The following KDM8 variants were observed in gnomAD, a reference collection of about 807,000 sequenced individuals.
KDM8 encodes bifunctional peptidase and arginyl-hydroxylase JMJD5.
KDM8 carries 35 observed loss-of-function variants against 46.9 expected under a neutral mutation model. The ratio of observed to expected loss-of-function variants is 0.75; its 90% CI spans 0.57 to 0.99. KDM8 has a LOEUF of 0.99. Among genes scored for constraint, KDM8 ranks in the 50% least tolerant of loss-of-function variants. The pLI, the probability that KDM8 is intolerant of heterozygous loss-of-function variation, is 0.00. For synonymous variants in KDM8, 232 were observed against 227.7 expected (o/e 1.02, Z -0.17); for missense variants, 475 against 537.0 (o/e 0.88, Z 1.14).
chr16:27,216,814 T>C (rs74663472), intron 5 of KDM8, among the ~76,000 whole-genome samples: 14,607 of 152,088 alleles, frequency 0.096, 951 homozygotes, highest in Middle Eastern at 0.18. Context: ...GGATTCTAAT[T>C]GATCAGGTCC....
At chr16:27,203,795 T>C (rs956338413) in intron 1 of KDM8, 159 bp downstream of exon 1, 4 of 364,276 alleles carry the variant, frequency 1.1e-5, no homozygotes, top group African/African-American at 8.5e-5. Context: ...AGTTGCCGCA[T>C]GCGCTCTGAG....
At chr16:27,219,722 G>C (rs1339284341) in intron 6 of KDM8, among the ~76,000 whole-genome samples, 1 of 152,230 alleles carries the variant, frequency 6.6e-6, no homozygotes, top group South Asian at 2.1e-4. Context: ...CACCTCAGCT[G>C]TGTGAGCTTG....
Position 27,220,856 on chromosome 16 carries a change from G to C in KDM8, c.*126G>C. ...TGTCCTGAAGAGCCTTCACTGCCCA[G>C]TGGCAGCCCTGGGGGGCTGAGCTCC... On this transcript the variant is annotated 3_prime_UTR_variant, in exon 8 of 8. Coordinates refer to ENST00000286096, the MANE Select transcript of KDM8 (RefSeq NM_024773.3). 1 of 1,170,048 alleles carries C rather than the reference G, an allele frequency of 8.5e-7. No homozygotes were observed. Among genetic ancestry groups the C allele is most frequent in the Non-Finnish European group, 1.3e-6 (1 of 790,774 alleles). The allele number at this position is 1,170,048 out of a possible 1,614,324, so 72.5% of individuals were successfully genotyped here. A position where few individuals can be genotyped will look rare whatever the true frequency, so the allele number is the denominator to read the frequency against.
At chr16:27,216,319 G>A (rs1275184974) in intron 5 of KDM8, among the ~76,000 whole-genome samples, 2 of 152,074 alleles carry the variant, frequency 1.3e-5, no homozygotes, top group African/African-American at 2.4e-5. Flanking sequence ...GTGAACCACC[G>A]AGCCCTGGAC....
At chr16:27,218,924 G>A (rs556912241) in intron 5 of KDM8, 37 bp from the exon 6 acceptor site, 38 of 1,613,204 alleles carry the variant, frequency 2.4e-5, no homozygotes, top group South Asian at 2.3e-4. Context: ...GTCCCCAGCC[G>A]GATCCCCACA....
rs193200821 is a variant in KDM8 at position 27,218,953 on chromosome 16, G to A, written c.844-8G>A. 7.6e-5 allele frequency: 123 copies of A among 1,613,942 alleles called. No individual in the cohort carries two copies. The highest frequency in any genetic ancestry group is 1.7e-4 in the Middle Eastern group (1 of 6,058). On this transcript the variant is annotated splice_region_variant and splice_polypyrimidine_tract_variant and intron_variant, in intron 5 of 7. Transcript: ENST00000286096. ...CCCCACATCTCATGTCTGCTCTGCC[G>A]CCCACAGATCCCGGAGTTGAAGCAG... is the stretch of plus-strand genomic sequence containing the variant.
chr16:27,207,979 C>G (rs944903860), intron 1 of KDM8, among the ~76,000 whole-genome samples: 4 of 152,232 alleles, frequency 2.6e-5, no homozygotes, highest in South Asian at 4.1e-4. Context: ...TACAGCCATC[C>G]TGAAGCCTCT....
At chr16:27,220,170 A>T in intron 6 of KDM8, 1 of 560,566 alleles carries the variant, frequency 1.8e-6, no homozygotes, top group Non-Finnish European at 3.2e-6. Context: ...GCAGTGAGCC[A>T]TGATCGTACC....
chr16:27,204,165 G>A (rs1031352370), intron 1 of KDM8: 3 of 1,512,744 alleles, frequency 2.0e-6, no homozygotes, highest in Non-Finnish European at 2.7e-6. Flanking sequence ...GGGGCTCAAG[G>A]CCAGTGCGGG....
intron 5 of KDM8, among the ~76,000 whole-genome samples, chr16:27,217,189 C>G (rs2083565318): frequency 6.6e-6 from 1 of 152,136 alleles, no homozygotes; most frequent in East Asian, 1.9e-4. Context: ...AGAACCTTCT[C>G]TACCTACAGG....
At chr16:27,214,411 T>G in intron 3 of KDM8, 1 of 167,006 alleles carries the variant, frequency 6.0e-6, no homozygotes, top group Non-Finnish European at 1.3e-5. Context: ...ATCACCCCCA[T>G]TCTGTAAATG....
intron 2 of KDM8, chr16:27,211,364 C>CTT: frequency 2.7e-6 from 1 of 366,854 alleles, no homozygotes; most frequent in Non-Finnish European, 5.3e-6. Flanking sequence ...TAGCTGATGT[C>CTT]TGTTTTGGGG....
intron 6 of KDM8, among the ~76,000 whole-genome samples, chr16:27,219,365 G>A (rs1166799992): frequency 6.6e-6 from 1 of 152,344 alleles, no homozygotes; most frequent in Middle Eastern, 3.4e-3. Flanking sequence ...TCGGGAGAGG[G>A]AGCGAGTGCT....
At chr16:27,208,135 ACAGTATTAGGAGGC>A (rs1482156130) in intron 1 of KDM8, among the ~76,000 whole-genome samples, 1 of 152,240 alleles carries the variant, frequency 6.6e-6, no homozygotes, top group Non-Finnish European at 1.5e-5. Flanking sequence ...CAGCCAACTC[ACAGTATTAGGAGGC>A]CATCTTTCCC....
rs752033626 is a variant in KDM8 at position 27,215,932 on chromosome 16, C to G, written c.799-13C>G. 6.2e-7 allele frequency: 1 copy of G among 1,614,104 alleles called. No homozygotes were observed. The highest frequency in any genetic ancestry group is 8.5e-7 in the Non-Finnish European group (1 of 1,179,990). ...GCTTTCTGTGTTGCCTCTGGTTTTC[C>G]CCGGTGGATTAGCCAAGGGACGTCG... On this transcript the variant is annotated splice_polypyrimidine_tract_variant and intron_variant, in intron 4 of 7. Coordinates refer to ENST00000286096, the MANE Select transcript of KDM8 (RefSeq NM_024773.3).
In KDM8 at chr16:27,210,082, C is replaced by T. The variant is rs754123364; in HGVS notation, c.-31-11C>T. 81 of 1,584,116 alleles carry T rather than the reference C, an allele frequency of 5.1e-5. No individual in the cohort carries two copies. The highest frequency in any genetic ancestry group is 6.1e-5 in the Non-Finnish European group (71 of 1,165,740). On this transcript the variant is annotated splice_polypyrimidine_tract_variant and intron_variant, in intron 1 of 7. Transcript: ENST00000286096. ...CTGGTGTCTAACTCTTGTTTCTCTC[C>T]ACCTCCCCAGGCACGGGACTGAACC...
At chr16:27,204,168 A>G (rs1391836352) in intron 1 of KDM8, 1 of 1,509,886 alleles carries the variant, frequency 6.6e-7, no homozygotes, top group South Asian at 1.2e-5. Context: ...GCTCAAGGCC[A>G]GTGCGGGGTA....
chr16:27,214,275 T>A (rs1567264569), intron 3 of KDM8: 1 of 156,234 alleles, frequency 6.4e-6, no homozygotes, highest in African/African-American at 2.4e-5. Flanking sequence ...CCGCCTGTTT[T>A]GTGGTTTCGC....
At chr16:27,208,016 C>T (rs1423354186) in intron 1 of KDM8, among the ~76,000 whole-genome samples, 1 of 152,234 alleles carries the variant, frequency 6.6e-6, no homozygotes, top group Non-Finnish European at 1.5e-5. Flanking sequence ...CATATATTGT[C>T]AACGTAAGTA....
Sources: gnomAD v4.1 joint callset for allele counts (sites outside exome capture counted in the v4.1 genomes callset) on GRCh38, gnomAD v4.1.1 for gene constraint, MANE v1.5 for transcripts, NCBI Gene and HGNC (gene_info 2026-07-23, HGNC 2026-07-21) for gene names.